Variants in GRM7 observed in about 807,000 individuals in gnomAD.
The protein encoded by GRM7 is glutamate metabotropic receptor 7, also known as metabotropic glutamate receptor 7.
In GRM7, 35 loss-of-function variants were observed where a neutral mutation model predicts 84.5. That is an observed-to-expected ratio of 0.41 (90% CI 0.32 to 0.55). The LOEUF (loss-of-function observed/expected upper bound fraction) is 0.55, where lower values mean the gene tolerates loss of function less well. Ranked by LOEUF, GRM7 falls within the 20% of genes least tolerant of loss-of-function variation. The pLI, the probability that GRM7 is intolerant of heterozygous loss-of-function variation, is 0.19. For synonymous variants in GRM7, 487 were observed against 455.1 expected (o/e 1.07, Z -0.89); for missense variants, 1,003 against 1,194.6 (o/e 0.84, Z 2.36).
At chr3:7,128,948 G>T (rs1270030714) in intron 1 of GRM7, among the ~76,000 whole-genome samples, 1 of 152,134 alleles carries the variant, frequency 6.6e-6, no homozygotes, top group Non-Finnish European at 1.5e-5. Context: ...GGGAGAAAAT[G>T]TTGCTTTCTG....
At chr3:7,708,892 G>A (rs965721132) in intron 9 of GRM7, among the ~76,000 whole-genome samples, 8 of 151,314 alleles carry the variant, frequency 5.3e-5, no homozygotes, top group Non-Finnish European at 8.8e-5. Context: ...TAGAAATATA[G>A]AATATATGTA....
At chr3:7,352,057 CCACACACACA>C (rs56873432) in intron 4 of GRM7, among the ~76,000 whole-genome samples, 2,014 of 136,956 alleles carry the variant, frequency 0.015, 18 homozygotes, top group Non-Finnish European at 0.017. Context: ...CACACACACA[CCACACACACA>C]CACACACACA....
intron 7 of GRM7, among the ~76,000 whole-genome samples, chr3:7,509,825 A>G (rs1700144855): frequency 9.1e-6 from 1 of 109,976 alleles, no homozygotes; most frequent in Non-Finnish European, 1.9e-5. Context: ...CCAAAATCTA[A>G]GTATCAGGGG....
chr3:7,283,771 C>T (rs909019718), intron 2 of GRM7, among the ~76,000 whole-genome samples: 10 of 152,066 alleles, frequency 6.6e-5, no homozygotes, highest in African/African-American at 1.9e-4. Context: ...ATGGACTTTA[C>T]GGGCAGTTAA....
chr3:7,346,948 C>A (rs948944529), intron 4 of GRM7, among the ~76,000 whole-genome samples: 4 of 152,048 alleles, frequency 2.6e-5, no homozygotes, highest in Admixed American at 2.0e-4. Context: ...CAAGTGAGAT[C>A]GTGTGCTATA....
At chr3:7,212,426 A>G (rs1419204948) in intron 2 of GRM7, among the ~76,000 whole-genome samples, 2 of 152,222 alleles carry the variant, frequency 1.3e-5, no homozygotes, top group African/African-American at 2.4e-5. Flanking sequence ...AGTGATAATT[A>G]AAACAAAACA....
intron 8 of GRM7, among the ~76,000 whole-genome samples, chr3:7,620,223 T>TA (rs1438175539): frequency 6.6e-6 from 1 of 152,144 alleles, no homozygotes; most frequent in African/African-American, 2.4e-5. Context: ...AATAAAACTA[T>TA]AAAAAATGTT....
intron 8 of GRM7, among the ~76,000 whole-genome samples, chr3:7,667,969 G>A (rs1173844357): frequency 6.6e-6 from 1 of 152,090 alleles, no homozygotes; most frequent in Non-Finnish European, 1.5e-5. Context: ...CTGGGTGTTA[G>A]CACAAGCTGT....
Position 7,657,288 on chromosome 3 carries a change from T to C in GRM7, c.2452-22761T>C, listed in dbSNP as rs535073429. Among the ~76,000 whole-genome samples the C allele has an allele frequency of 8.6e-4, 131 of 152,280 alleles. 2 individuals are homozygous for C. In the South Asian group the frequency reaches 0.024, roughly 27 times the overall value. On this transcript the variant is annotated intron_variant, in intron 8 of 9. Coordinates refer to ENST00000357716, the MANE Select transcript of GRM7 (RefSeq NM_000844.4). ...AATTGGGGAAAAATAAAAAGATAAA[T>C]GGTAATTATTTGAGTCATGCCTGTC...
chr3:7,032,865 A>G (rs964023647), intron 1 of GRM7, among the ~76,000 whole-genome samples: 3 of 152,136 alleles, frequency 2.0e-5, no homozygotes, highest in African/African-American at 7.2e-5. Flanking sequence ...TAGAATTTAG[A>G]CTTCTGACCT....
At chr3:7,468,460 T>C (rs1407006978) in intron 7 of GRM7, among the ~76,000 whole-genome samples, 1 of 152,236 alleles carries the variant, frequency 6.6e-6, no homozygotes, top group Non-Finnish European at 1.5e-5. Flanking sequence ...CACTGAGTTA[T>C]GGTTAGCATT....
chr3:7,659,522 A>G (rs981143755), intron 8 of GRM7, among the ~76,000 whole-genome samples: 2 of 152,196 alleles, frequency 1.3e-5, no homozygotes, highest in African/African-American at 2.4e-5. Context: ...AATAGATATG[A>G]ATTCTCCTCA....
At chr3:7,183,739 C>T (rs1695422847) in intron 2 of GRM7, among the ~76,000 whole-genome samples, 3 of 152,058 alleles carry the variant, frequency 2.0e-5, no homozygotes, top group Non-Finnish European at 4.4e-5. Context: ...TATATTTGTA[C>T]TGTTGGTTTC....
intron 1 of GRM7, among the ~76,000 whole-genome samples, chr3:7,072,635 G>A (rs766855344): frequency 1.2e-4 from 18 of 151,934 alleles, no homozygotes; most frequent in South Asian, 4.2e-4. Context: ...GCAGTGAGCC[G>A]TTGAACACAC....
chr3:7,194,152 C>G (rs1695806186), intron 2 of GRM7, among the ~76,000 whole-genome samples: 1 of 152,050 alleles, frequency 6.6e-6, no homozygotes, highest in African/African-American at 2.4e-5. Flanking sequence ...TGTAAATCAC[C>G]TTTCCTCCTC....
rs73017816 is a variant in GRM7, at chr3:7,492,604, T to G, written c.1515+30882T>G. Among the ~76,000 whole-genome samples, 1,451 of 152,218 alleles carry G rather than the reference T, an allele frequency of 9.5e-3. 11 individuals carry two copies. Among genetic ancestry groups the G allele is most frequent in the Middle Eastern group, 0.014 (4 of 294 alleles). On this transcript the variant is annotated intron_variant, in intron 7 of 9. Coordinates refer to ENST00000357716, the MANE Select transcript of GRM7 (RefSeq NM_000844.4). ...ATTTGGTATGTCTTTTCTATATGAG[T>G]TTTGTGATAATTCTATCTATTTTAT...
intron 1 of GRM7, among the ~76,000 whole-genome samples, chr3:6,929,958 C>G (rs548166280): frequency 1.3e-5 from 2 of 152,186 alleles, no homozygotes; most frequent in African/African-American, 4.8e-5. Flanking sequence ...GCAGACCCCA[C>G]AAACGTGGTG....
At chr3:7,709,487 G>A (rs935875873) in intron 9 of GRM7, among the ~76,000 whole-genome samples, 1 of 152,136 alleles carries the variant, frequency 6.6e-6, no homozygotes, top group Non-Finnish European at 1.5e-5. Flanking sequence ...ATGAGTGTCA[G>A]TGGAGACAGA....
chr3:7,682,513 A>G (rs1700417952), intron 9 of GRM7, among the ~76,000 whole-genome samples: 1 of 151,518 alleles, frequency 6.6e-6, no homozygotes, highest in Admixed American at 6.6e-5. Context: ...TTTCTTGCAA[A>G]TATTCCAATA....
Sources: allele counts gnomAD v4.1 joint callset (sites outside exome capture counted in the v4.1 genomes callset), GRCh38; gene constraint gnomAD v4.1.1; transcripts MANE v1.5; gene names NCBI Gene and HGNC (gene_info 2026-07-23, HGNC 2026-07-21).